BACE2: variants seen among roughly 807,000 people sequenced by gnomAD.
The protein encoded by BACE2 is beta-secretase 2, also known as 56 kDa aspartic-like protease.
In BACE2, 17 loss-of-function variants were observed where a neutral mutation model predicts 46.2. The observed-to-expected ratio is 0.37, with a 90% CI of 0.25 to 0.55. The LOEUF is 0.55. Among genes scored for constraint, BACE2 ranks in the 20% least tolerant of loss-of-function variants. BACE2 has a pLI of 0.82. For missense variants in BACE2, 595 were observed against 698.1 expected (o/e 0.85, Z 1.66); for synonymous variants, 277 against 295.9 (o/e 0.94, Z 0.66).
In BACE2 at chr21:41,237,628, T is replaced by A. The variant is rs772157506; in HGVS notation, c.517T>A (p.Phe173Ile). ...VTIPKGFNTSFLVNIATIFES... is the reference protein window; with the variant it reads ...VTIPKGFNTSILVNIATIFES... The stretch of plus-strand genomic sequence containing the variant: ...CATCCCCAAAGGCTTCAATACTTCT[T>A]TTCTTGTCAACATTGCCACTATTTT... Residue 173 changes from phenylalanine (F) to isoleucine (I), a missense_variant, in exon 3 of 9, where the codon TTT becomes ATT. Physicochemically the swap from Phe to Ile is conservative, Grantham distance 21. This residue lies in a region of BACE2 where 248 missense variants were observed against 261.4 expected (regional missense o/e 0.95). Transcript: ENST00000330333. 5 of 1,614,216 alleles carry A rather than the reference T, an allele frequency of 3.1e-6. No individual in the cohort carries two copies. The highest frequency in any genetic ancestry group is 4.2e-6 in the Non-Finnish European group (5 of 1,180,028).
intron 1 of BACE2, among the ~76,000 whole-genome samples, chr21:41,217,241 G>A (rs1986499714): frequency 6.6e-6 from 1 of 152,288 alleles, no homozygotes; most frequent in Middle Eastern, 3.4e-3. Flanking sequence ...ATCTAGAGCT[G>A]TTCTTATCTG....
intron 6 of BACE2, among the ~76,000 whole-genome samples, chr21:41,247,012 G>A (rs2123611026): frequency 6.6e-6 from 1 of 152,322 alleles, no homozygotes; most frequent in South Asian, 2.1e-4. Context: ...TGTTCTCATA[G>A]CATCTGGGCC....
intron 1 of BACE2, among the ~76,000 whole-genome samples, chr21:41,219,822 T>A (rs369199695): frequency 2.0e-4 from 30 of 152,338 alleles, no homozygotes; most frequent in African/African-American, 6.7e-4. Context: ...ACAGAAGACT[T>A]CCGGGACCAA....
intron 4 of BACE2, among the ~76,000 whole-genome samples, chr21:41,242,261 G>A (rs1987320654): frequency 1.3e-5 from 2 of 151,868 alleles, no homozygotes; most frequent in South Asian, 4.2e-4. Context: ...GGGGCGTGGT[G>A]AGTGGACCTG....
chr21:41,174,479 G>C (rs1317443174), intron 1 of BACE2, among the ~76,000 whole-genome samples: 3 of 152,058 alleles, frequency 2.0e-5, no homozygotes, highest in Non-Finnish European at 2.9e-5. Context: ...TAGCTGCATT[G>C]CTCCCAGGGG....
chr21:41,275,228 A>G (rs916495680), intron 8 of BACE2, 143 bp from the exon 9 acceptor site: 1 of 1,133,194 alleles, frequency 8.8e-7, no homozygotes, highest in Non-Finnish European at 1.3e-6. Context: ...GACCCCACTC[A>G]GTGCTTCCTG....
chr21:41,239,105 C>T (rs1308571117), intron 3 of BACE2, among the ~76,000 whole-genome samples: 1 of 149,736 alleles, frequency 6.7e-6, no homozygotes, highest in African/African-American at 2.4e-5. Context: ...ATTGCTGGAG[C>T]AATAGGCCCC....
At chr21:41,262,444 T>A (rs1050224795) in intron 8 of BACE2, among the ~76,000 whole-genome samples, 4 of 152,180 alleles carry the variant, frequency 2.6e-5, no homozygotes, top group African/African-American at 4.8e-5. Flanking sequence ...TTATTTATTT[T>A]TTTTTAGTTA....
intron 5 of BACE2, among the ~76,000 whole-genome samples, chr21:41,244,116 A>G (rs906120669): frequency 1.3e-5 from 2 of 152,202 alleles, no homozygotes; most frequent in Admixed American, 6.5e-5. Flanking sequence ...TATGATTATG[A>G]TGACTTGTGA....
chr21:41,217,176 G>A (rs1986495182), intron 1 of BACE2, among the ~76,000 whole-genome samples: 1 of 152,154 alleles, frequency 6.6e-6, no homozygotes, highest in South Asian at 2.1e-4. Flanking sequence ...TGATCTGCCC[G>A]CCTCGGCCTC....
Position 41,192,182 on chromosome 21 carries a change from A to T in BACE2, c.312+23607A>T, listed in dbSNP as rs190983217. On this transcript the variant is annotated intron_variant, in intron 1 of 8. Coordinates refer to ENST00000330333, the MANE Select transcript of BACE2 (RefSeq NM_012105.5). The stretch of plus-strand genomic sequence containing the variant: ...CTGTCCACTTTCGGGTGGTGCCTGC[A>T]TATCATGCAGAACCATCTGTGAACC... Among the ~76,000 whole-genome samples the T allele has an allele frequency of 2.0e-5, 3 of 152,216 alleles. No individual in the cohort carries two copies. The South Asian group carries it at 6.2e-4, about 32-fold the overall frequency.
intron 8 of BACE2, among the ~76,000 whole-genome samples, chr21:41,268,709 G>A (rs751887896): frequency 4.6e-5 from 7 of 152,066 alleles, no homozygotes; most frequent in African/African-American, 9.7e-5. Flanking sequence ...ATAAATAGCC[G>A]CTGCATTCCA....
intron 2 of BACE2, among the ~76,000 whole-genome samples, chr21:41,233,323 C>T (rs1254830065): frequency 1.3e-5 from 2 of 152,260 alleles, no homozygotes; most frequent in African/African-American, 4.8e-5. Flanking sequence ...ATTATATTAT[C>T]ACCATTTTTT....
intron 1 of BACE2, among the ~76,000 whole-genome samples, chr21:41,185,841 C>T (rs1484512699): frequency 6.6e-6 from 1 of 152,200 alleles, no homozygotes; most frequent in Non-Finnish European, 1.5e-5. Context: ...AACAACGTGA[C>T]AACGTGACTC....
intron 2 of BACE2, among the ~76,000 whole-genome samples, chr21:41,236,140 C>T (rs1987111301): frequency 6.6e-6 from 1 of 152,180 alleles, no homozygotes; most frequent in Non-Finnish European, 1.5e-5. Context: ...AGAGATGTTT[C>T]TTAGGTTCCT....
intron 2 of BACE2, among the ~76,000 whole-genome samples, chr21:41,226,948 G>GA (rs1259203060): frequency 1.3e-5 from 2 of 151,962 alleles, no homozygotes; most frequent in African/African-American, 2.4e-5. Context: ...GTGGAGTTGA[G>GA]AAAAAAAAGT....
At chr21:41,217,415 TCTCCTTTACCTCTTTACCCCC>T (rs1224450487) in intron 1 of BACE2, among the ~76,000 whole-genome samples, 1 of 152,222 alleles carries the variant, frequency 6.6e-6, no homozygotes, top group Non-Finnish European at 1.5e-5. Flanking sequence ...GTTTTCTGTC[TCTCCTTTACCTCTTTACCCCC>T]CTCCTTTCCC....
chr21:41,225,584 G>A (rs939528540), intron 1 of BACE2: 1 of 152,222 alleles, frequency 6.6e-6, no homozygotes, highest in Non-Finnish European at 1.5e-5. Flanking sequence ...GGTCACAAAA[G>A]CCAGAAAGTG....
Position 41,245,909 on chromosome 21 carries a change from G to A in BACE2, c.883-53G>A, listed in dbSNP as rs1055608425. 4.9e-6 allele frequency: 7 copies of A among 1,427,006 alleles called. No individual in the cohort carries two copies. In the African/African-American group the frequency reaches 7.1e-5, roughly 14 times the overall value. The allele number at this position is 1,427,006 out of a possible 1,614,324, so 88.4% of individuals were successfully genotyped here. A position where few individuals can be genotyped will look rare whatever the true frequency, so the allele number is the denominator to read the frequency against. ...GTGATGGCGGCTAGAGCCACGTGGG[G>A]CGGGGAGCGCCACTGTCACTCACGC... On this transcript the variant is annotated intron_variant, in intron 5 of 8. Transcript: ENST00000330333.
Sources: allele counts gnomAD v4.1 joint callset (sites outside exome capture counted in the v4.1 genomes callset), GRCh38; gene constraint gnomAD v4.1.1; regional missense constraint gnomAD v4.1.1; transcripts MANE v1.5; gene names NCBI Gene and HGNC (gene_info 2026-07-23, HGNC 2026-07-21).